The following PLIN1 variants were observed in gnomAD, a reference collection of about 807,000 sequenced individuals.
PLIN1 encodes perilipin-1.
In PLIN1, 37 loss-of-function variants were observed where a neutral mutation model predicts 45.8. The observed-to-expected ratio is 0.81, with a 90% CI of 0.62 to 1.06. PLIN1 has a LOEUF of 1.06. Ranked by LOEUF, PLIN1 falls within the 50% of genes least tolerant of loss-of-function variation. PLIN1 has a pLI of 0.00. For missense variants in PLIN1, 776 were observed against 716.5 expected (o/e 1.08, Z -0.95); for synonymous variants, 340 against 309.2 (o/e 1.10, Z -1.05).
At chr15:89,666,011 C>T in intron 8 of PLIN1, 69 bp from the exon 9 acceptor site, 1 of 1,196,858 alleles carries the variant, frequency 8.4e-7, no homozygotes, top group Non-Finnish European at 1.1e-6. Context: ...CCCACCGCCC[C>T]TTCCCGGGCC....
Position 89,667,802 on chromosome 15 carries a change from G to C in PLIN1, c.772-9C>G, listed in dbSNP as rs765682714. The C allele has an allele frequency of 1.8e-5, 28 of 1,551,842 alleles. No individual in the cohort carries two copies. The highest frequency in any genetic ancestry group is 1.7e-4 in the Middle Eastern group (1 of 6,012). ...CACTGGGCCAGGCTGCTCTGAGGGA[G>C]GATGGCAGCAGATAGCTGGCTCAAC... On this transcript the variant is annotated splice_polypyrimidine_tract_variant and intron_variant, in intron 6 of 8. Coordinates refer to ENST00000300055, the MANE Select transcript of PLIN1 (RefSeq NM_002666.5).
chr15:89,665,842 CCA>C lies in PLIN1; in HGVS notation c.1308_1309del (p.Pro439ValfsTer126), dbSNP rs2141523598. 1 of 1,462,792 alleles carries C rather than the reference CCA, an allele frequency of 6.8e-7. No individual in the cohort carries two copies. The highest frequency in any genetic ancestry group is 9.0e-7 in the Non-Finnish European group (1 of 1,109,232). The allele number at this position is 1,462,792 out of a possible 1,614,324, so 90.6% of individuals were successfully genotyped here. ...GGGCTCCGGGCCGGCGGACGGCGCC[CCA>C]GACGCTCTGCGCTCCGCCTCCCGGC... On this transcript the variant is annotated frameshift_variant, in exon 9 of 9. Coordinates refer to ENST00000300055, the MANE Select transcript of PLIN1 (RefSeq NM_002666.5). LOFTEE classifies it low-confidence loss of function (END_TRUNC).
intron 1 of PLIN1, 119 bp from the exon 2 acceptor site, chr15:89,677,622 G>GA (rs771531081): frequency 9.3e-5 from 76 of 820,708 alleles, no homozygotes; most frequent in Non-Finnish European, 1.5e-4. Context: ...CATTTGCCCT[G>GA]AACAGAAGGC....
At position 89,665,476 on chromosome 15, in the gene PLIN1, C is replaced by G; in HGVS notation, c.*107G>C. ...AGCATCATCAGGATGAGGCTGAGCT[C>G]CCCAGGGGACCACTTTGAAAGTGGC... On this transcript the variant is annotated 3_prime_UTR_variant, in exon 9 of 9. Coordinates refer to ENST00000300055, the MANE Select transcript of PLIN1 (RefSeq NM_002666.5). 1 of 1,051,374 alleles carries G rather than the reference C, an allele frequency of 9.5e-7. No individual in the cohort carries two copies. Among genetic ancestry groups the G allele is most frequent in the South Asian group, 1.6e-5 (1 of 61,582 alleles). 65.1% of individuals were successfully genotyped at this position (1,051,374 alleles called of 1,614,324 possible). A position where few individuals can be genotyped will look rare whatever the true frequency, so the allele number is the denominator to read the frequency against.
Position 89,673,264 on chromosome 15 carries a change from T to A in PLIN1, c.196A>T (p.Ser66Cys), listed in dbSNP as rs749117568. The change falls in exon 3 of 9, where the codon AGT becomes TGT. Residue 66 changes from serine to cysteine, a missense_variant. Transcript: ENST00000300055. ...TCCATGCTCCAGGCAGCCAAGCTAC[T>A]GGCGCTCTGCACGCCCTTCTCATAG... Reference protein sequence around the residue: ...NAYEKGVQSASSLAAWSMEPV... With the variant: ...NAYEKGVQSACSLAAWSMEPV... 4 of 1,581,456 alleles carry A rather than the reference T, an allele frequency of 2.5e-6. No homozygotes were observed. The Admixed American group carries it at 7.1e-5, about 28-fold the overall frequency.
At chr15:89,671,210 C>A (rs190047643) in intron 4 of PLIN1, among the ~76,000 whole-genome samples, 8 of 152,202 alleles carry the variant, frequency 5.3e-5, no homozygotes, top group Admixed American at 3.9e-4. Flanking sequence ...GGTGCGGTAT[C>A]GGGAGGCAGT....
At chr15:89,678,051 A>G (rs942080875) in intron 1 of PLIN1, 2 of 151,560 alleles carry the variant, frequency 1.3e-5, no homozygotes, top group African/African-American at 4.9e-5. Context: ...GAACCACCAC[A>G]CTGGCTAATT....
intron 6 of PLIN1, 111 bp from the exon 7 acceptor site, chr15:89,667,904 G>A (rs1964379347): frequency 4.0e-6 from 6 of 1,494,454 alleles, no homozygotes; most frequent in Admixed American, 2.1e-5. Context: ...GGTGAGCAGG[G>A]CTCAGCCCCA....
intron 6 of PLIN1, 109 bp downstream of exon 6, chr15:89,669,391 G>A: frequency 1.0e-6 from 1 of 981,112 alleles, no homozygotes; most frequent in Non-Finnish European, 1.6e-6. Flanking sequence ...CGTTGGAAGA[G>A]AGAATGTTCT....
rs1964399489 is a variant in PLIN1, at chr15:89,669,409, G to A, written c.771+91C>T. On this transcript the variant is annotated intron_variant, in intron 6 of 8. Transcript: ENST00000300055. ...TGGAAGAGAGAATGTTCTCAGGACA[G>A]GAAGGGGTGATGGGTGGGGGATGGG... 102 of 1,090,776 alleles carry A rather than the reference G, an allele frequency of 9.4e-5. No homozygotes were observed. In the South Asian group the frequency reaches 1.2e-3, roughly 13 times the overall value. The allele number at this position is 1,090,776 out of a possible 1,614,324, so 67.6% of individuals were successfully genotyped here. A position where few individuals can be genotyped will look rare whatever the true frequency, so the allele number is the denominator to read the frequency against.
intron 7 of PLIN1, 41 bp from the exon 8 acceptor site, chr15:89,667,222 C>T: frequency 1.9e-6 from 3 of 1,609,672 alleles, no homozygotes; most frequent in Non-Finnish European, 2.5e-6. Context: ...GTGGTAACTC[C>T]CCTGACCCTT....
Position 89,666,884 on chromosome 15 carries a change from C to G in PLIN1, c.1209+52G>C. The G allele has an allele frequency of 1.9e-6, 3 of 1,607,302 alleles. 1 individual carries two copies. The highest frequency in any genetic ancestry group is 2.2e-5 in the South Asian group (2 of 90,288). ...CCTTCAGTCAAATCTACTTTATCTG[C>G]CATGTCCAGGCCCCCTTGGGACACT... On this transcript the variant is annotated intron_variant, in intron 8 of 8. Coordinates refer to ENST00000300055, the MANE Select transcript of PLIN1 (RefSeq NM_002666.5).
chr15:89,674,267 T>C (rs1292656520), intron 2 of PLIN1, among the ~76,000 whole-genome samples: 1 of 152,162 alleles, frequency 6.6e-6, no homozygotes, highest in Non-Finnish European at 1.5e-5. Flanking sequence ...TATTTATTAT[T>C]TTTTATAGAG....
Position 89,665,642 on chromosome 15 carries a change from T to C in PLIN1, c.1510A>G (p.Ser504Gly). ...RRVSDSFFRP[S>G]VMEPILGRTH... is the part of the protein sequence containing the mutation. ...CGGCCCAGGATGGGCTCCATGACGC[T>C]GGGCCGGAAGAAGCTGTCGCTGACC... is the stretch of plus-strand genomic sequence containing the variant. Residue 504 changes from serine (S) to glycine (G), a missense_variant, in exon 9 of 9, where the codon AGC (serine) becomes GGC (glycine). Transcript: ENST00000300055. 1 of 1,505,528 alleles carries C rather than the reference T, an allele frequency of 6.6e-7. No homozygotes were observed. Among genetic ancestry groups the C allele is most frequent in the Non-Finnish European group, 8.9e-7 (1 of 1,129,528 alleles). 93.3% of individuals were successfully genotyped at this position (1,505,528 alleles called of 1,614,324 possible).
intron 6 of PLIN1, among the ~76,000 whole-genome samples, chr15:89,669,139 G>A (rs556863333): frequency 6.6e-6 from 1 of 152,132 alleles, no homozygotes; most frequent in Non-Finnish European, 1.5e-5. Context: ...ATAGCAGATG[G>A]AGGTCCTGCT....
intron 3 of PLIN1, 87 bp downstream of exon 3, chr15:89,673,123 A>T (rs962056226): frequency 3.7e-5 from 37 of 1,000,878 alleles, no homozygotes; most frequent in Non-Finnish European, 5.3e-5. Context: ...AAGTTATCAG[A>T]CAGTCAGACA....
intron 7 of PLIN1, 132 bp from the exon 8 acceptor site, chr15:89,667,313 G>A (rs966377467): frequency 2.4e-6 from 3 of 1,231,766 alleles, no homozygotes; most frequent in Non-Finnish European, 3.5e-6. Flanking sequence ...TCTGCCACTA[G>A]CAGTGTGGCC....
intron 3 of PLIN1, among the ~76,000 whole-genome samples, chr15:89,672,329 A>G (rs535629679): frequency 6.6e-6 from 1 of 152,254 alleles, no homozygotes; most frequent in African/African-American, 2.4e-5. Flanking sequence ...TTTCAAGGAG[A>G]GTTCTTCATA....
In PLIN1 at chr15:89,677,482, ACTG is replaced by A; in HGVS notation, c.5_7del (p.Ala2del). The A allele has an allele frequency of 6.2e-7, 1 of 1,613,984 alleles. No homozygotes were observed. Among genetic ancestry groups the A allele is most frequent in the Non-Finnish European group, 8.5e-7 (1 of 1,179,950 alleles). ...ATCCAGCAAGGTGAGGCCTTTGTTG[ACTG>A]CCATCCTCGCTCCTCAAGCTGCAAA... On this transcript the variant is annotated inframe_deletion, in exon 2 of 9. Coordinates refer to ENST00000300055, the MANE Select transcript of PLIN1 (RefSeq NM_002666.5).
Sources: gnomAD v4.1 joint callset for allele counts (sites outside exome capture counted in the v4.1 genomes callset) on GRCh38, gnomAD v4.1.1 for gene constraint, MANE v1.5 for transcripts, NCBI Gene and HGNC (gene_info 2026-07-23, HGNC 2026-07-21) for gene names.